The following CDYL variants were observed in gnomAD, a reference collection of about 807,000 sequenced individuals.
CDYL encodes chromodomain Y-like protein.
In CDYL, 8 loss-of-function variants were observed where a neutral mutation model predicts 47.3. That is an observed-to-expected ratio of 0.17 (90% confidence interval 0.10 to 0.31). The LOEUF is 0.31. CDYL is among the 10% of genes least tolerant of loss of function. The pLI is 1.00. For missense variants in CDYL, 471 were observed against 701.4 expected (o/e 0.67, Z 3.71); for synonymous variants, 266 against 265.0 (o/e 1.00, Z -0.04).
At position 4,788,808 on chromosome 6, in the gene CDYL, C is replaced by T. The variant is rs180805996; in HGVS notation, c.24+12001C>T. ...TCTCCGGAATTTGTGGTCTGCCTGTCGAACAGCCAGCCCCCTTCCCACCCC... is the reference window on the plus strand; with the variant it reads ...TCTCCGGAATTTGTGGTCTGCCTGTTGAACAGCCAGCCCCCTTCCCACCCC... On this transcript the variant is annotated intron_variant, in intron 1 of 6. Transcript: ENST00000397588. 1.8e-3 allele frequency among the ~76,000 whole-genome samples: 278 copies of T among 151,956 alleles called. 4 individuals carry two copies. Among genetic ancestry groups the T allele is most frequent in the African/African-American group, 6.2e-3 (255 of 41,422 alleles).
chr6:4,937,766 T>C (rs1437800745), intron 4 of CDYL, 29 bp downstream of exon 4: 2 of 1,576,608 alleles, frequency 1.3e-6, no homozygotes, highest in African/African-American at 2.7e-5. Flanking sequence ...TTTTAAACAT[T>C]GGTTGGGTGT....
At chr6:4,835,233 A>G (rs543876352) in intron 1 of CDYL, among the ~76,000 whole-genome samples, 2 of 152,244 alleles carry the variant, frequency 1.3e-5, no homozygotes, top group East Asian at 1.9e-4. Context: ...TGATGGTGAT[A>G]TACAGATGGG....
rs1757571886 is a variant in CDYL at position 4,729,691 on chromosome 6, G to C, written c.104-5071G>C. Among the ~76,000 whole-genome samples the C allele has an allele frequency of 2.0e-5, 3 of 152,250 alleles. No homozygotes were observed. In the South Asian group the frequency reaches 6.2e-4, roughly 31 times the overall value. On this transcript the variant is annotated intron_variant, in intron 2 of 8. Transcript: ENST00000328908. ...CCAGCACTTTGGGAGGCCAAGGCGG[G>C]TGGATCACTTGAGGTCAGGAGTTTG... is the stretch of plus-strand genomic sequence containing the variant.
chr6:4,723,300 C>G (rs1757408414), intron 2 of CDYL, among the ~76,000 whole-genome samples: 2 of 152,094 alleles, frequency 1.3e-5, no homozygotes, highest in Admixed American at 6.5e-5. Flanking sequence ...ACTTGAGCAT[C>G]TGTGGATTTT....
At chr6:4,951,661 G>A (rs1758708756) in intron 5 of CDYL, among the ~76,000 whole-genome samples, 3 of 152,072 alleles carry the variant, frequency 2.0e-5, no homozygotes, top group African/African-American at 4.8e-5. Context: ...GTATCCAAGC[G>A]ATACAAGGCA....
intron 1 of CDYL, among the ~76,000 whole-genome samples, chr6:4,808,158 A>G (rs6938682): frequency 0.024 from 3,712 of 152,196 alleles, 161 homozygotes; most frequent in African/African-American, 0.085. Context: ...TTTTATTGGC[A>G]AACGGCATTT....
chr6:4,862,347 A>G (rs1020286617), intron 1 of CDYL, among the ~76,000 whole-genome samples: 7 of 152,300 alleles, frequency 4.6e-5, no homozygotes, highest in Middle Eastern at 6.8e-3. Context: ...AATTCTGACC[A>G]TGGCTTAAGC....
chr6:4,709,447 C>T (rs752794708), intron 1 of CDYL, among the ~76,000 whole-genome samples: 65 of 152,182 alleles, frequency 4.3e-4, no homozygotes, highest in African/African-American at 1.3e-3. Flanking sequence ...CCGCCTGCCT[C>T]GGCTTCCCAA....
intron 3 of CDYL, among the ~76,000 whole-genome samples, chr6:4,760,985 A>G (rs543347097): frequency 5.9e-5 from 9 of 152,168 alleles, no homozygotes; most frequent in Non-Finnish European, 1.2e-4. Flanking sequence ...ATTTGATGCA[A>G]AGTGTTACGT....
At chr6:4,897,050 C>T (rs370029641) in intron 2 of CDYL, among the ~76,000 whole-genome samples, 1 of 152,172 alleles carries the variant, frequency 6.6e-6, no homozygotes, top group African/African-American at 2.4e-5. Flanking sequence ...GGTGATGCAG[C>T]TAGCTGTCTT....
upstream of CDYL, chr6:4,775,125 T>G (rs1483574950): frequency 6.6e-6 from 1 of 152,592 alleles, no homozygotes; most frequent in Non-Finnish European, 1.5e-5. The surrounding 1 kb of genome is among the most constrained non-coding windows in gnomAD (Gnocchi z 7.0). Context: ...GGTTAGGAAC[T>G]GGAGCGAGAT....
At position 4,769,297 on chromosome 6, in the gene CDYL, A is replaced by G. The variant is rs967634498; in HGVS notation, c.186+34453A>G. 2.0e-5 allele frequency among the ~76,000 whole-genome samples: 3 copies of G among 152,350 alleles called. No homozygotes were observed. The East Asian group carries it at 5.8e-4, about 29-fold the overall frequency. ...TCTCTACTATATATGCAATTTTTCT[A>G]TAAATCTAAATCTGTTAAAATCTAA... On this transcript the variant is annotated intron_variant, in intron 3 of 8. Coordinates refer to the CDYL transcript ENST00000328908.
At chr6:4,716,246 CAAAAA>C (rs35962503) in intron 2 of CDYL, among the ~76,000 whole-genome samples, 16 of 121,160 alleles carry the variant, frequency 1.3e-4, no homozygotes, top group African/African-American at 4.6e-4. Flanking sequence ...GACTCCATCT[CAAAAA>C]AAAAAAAAAA....
intron 1 of CDYL, among the ~76,000 whole-genome samples, chr6:4,864,971 C>T (rs1297352469): frequency 1.3e-5 from 2 of 152,188 alleles, no homozygotes; most frequent in Admixed American, 6.5e-5. Context: ...AGTTTCTCTT[C>T]AAAGAATCAG....
intron 2 of CDYL, among the ~76,000 whole-genome samples, chr6:4,920,678 G>T (rs1481479462): frequency 8.5e-5 from 13 of 152,166 alleles, no homozygotes; most frequent in African/African-American, 3.1e-4. Flanking sequence ...GAGTGTACTG[G>T]TGTGATCTCG....
intron 5 of CDYL, among the ~76,000 whole-genome samples, chr6:4,950,501 C>T (rs1383861021): frequency 1.3e-5 from 2 of 152,178 alleles, no homozygotes; most frequent in Non-Finnish European, 2.9e-5. Context: ...TTTCCTGCTG[C>T]GTTTGGATCT....
intron 5 of CDYL, among the ~76,000 whole-genome samples, chr6:4,944,138 A>C (rs1258784442): frequency 6.6e-6 from 1 of 152,174 alleles, no homozygotes; most frequent in African/African-American, 2.4e-5. Flanking sequence ...CGTCCATATA[A>C]TTGTGTGTTT....
chr6:4,872,871 A>G (rs941791922), intron 1 of CDYL, among the ~76,000 whole-genome samples: 39 of 152,242 alleles, frequency 2.6e-4, no homozygotes, highest in Non-Finnish European at 5.6e-4. Context: ...AGTAAAGCAT[A>G]GTAGCAGTGA....
chr6:4,925,051 A>G lies in CDYL; in HGVS notation c.692-10464A>G, dbSNP rs571806502. Among the ~76,000 whole-genome samples the G allele has an allele frequency of 1.1e-4, 17 of 152,354 alleles. 2 individuals are homozygous for G. The highest frequency in any genetic ancestry group is 3.4e-3 in the Middle Eastern group (1 of 294). On this transcript the variant is annotated intron_variant, in intron 2 of 6. Coordinates refer to ENST00000397588, the MANE Select transcript of CDYL (RefSeq NM_004824.4). Reference sequence around the variant, plus strand: ...ACTGCGAAGCAATAGAAGGACTGCAATCTGAAACCATGCAGAAAGTTGTAA... The same window carrying G: ...ACTGCGAAGCAATAGAAGGACTGCAGTCTGAAACCATGCAGAAAGTTGTAA...
Sources: allele counts gnomAD v4.1 joint callset (sites outside exome capture counted in the v4.1 genomes callset), GRCh38; gene constraint gnomAD v4.1.1; non-coding constraint Gnocchi (gnomAD v3.1); transcripts MANE v1.5; gene names NCBI Gene and HGNC (gene_info 2026-07-23, HGNC 2026-07-21).